GNA14: variants seen among roughly 807,000 people sequenced by gnomAD.
The protein encoded by GNA14 is guanine nucleotide-binding protein subunit alpha-14.
In GNA14, 50 loss-of-function variants were observed where a neutral mutation model predicts 42.0. That is an observed-to-expected ratio of 1.19 (90% confidence interval 0.95 to 1.51). GNA14 has a LOEUF of 1.51. Ranked by LOEUF, GNA14 falls within the 40% of genes most tolerant of loss-of-function variation. The pLI is 0.00. For missense variants in GNA14, 473 were observed against 446.2 expected (o/e 1.06, Z -0.54); for synonymous variants, 173 against 163.1 (o/e 1.06, Z -0.46).
At chr9:77,440,803 C>T (rs948265273) in intron 2 of GNA14, among the ~76,000 whole-genome samples, 1 of 152,128 alleles carries the variant, frequency 6.6e-6, no homozygotes, top group Non-Finnish European at 1.5e-5. Flanking sequence ...GCAACCTCCA[C>T]TTCCTGGGTT....
At chr9:77,446,663 G>T (rs1835823328) in intron 2 of GNA14, among the ~76,000 whole-genome samples, 1 of 152,190 alleles carries the variant, frequency 6.6e-6, no homozygotes, top group Non-Finnish European at 1.5e-5. Flanking sequence ...AGGTGATGGG[G>T]ATCTGGATTT....
chr9:77,474,687 C>A (rs1378134635), intron 2 of GNA14, among the ~76,000 whole-genome samples: 2 of 152,158 alleles, frequency 1.3e-5, no homozygotes, highest in Non-Finnish European at 2.9e-5. Flanking sequence ...TACACAAAAA[C>A]CTGTTCATGA....
At chr9:77,542,562 G>A (rs1587824153) in intron 1 of GNA14, among the ~76,000 whole-genome samples, 1 of 152,176 alleles carries the variant, frequency 6.6e-6, no homozygotes, top group Non-Finnish European at 1.5e-5. Context: ...CCAGGCATGT[G>A]GGCAGGTTCT....
At chr9:77,638,403 T>C (rs555904302) in intron 1 of GNA14, among the ~76,000 whole-genome samples, 59 of 152,308 alleles carry the variant, frequency 3.9e-4, no homozygotes, top group African/African-American at 1.4e-3. Context: ...GCAAGGATAA[T>C]TTCAGGTAGT....
At chr9:77,490,676 G>C (rs935341341) in intron 2 of GNA14, among the ~76,000 whole-genome samples, 2 of 152,198 alleles carry the variant, frequency 1.3e-5, no homozygotes, top group Admixed American at 1.3e-4. Flanking sequence ...GCCGCTCCGA[G>C]TGCGGGGCCT....
At chr9:77,567,090 T>C (rs1247300310) in intron 1 of GNA14, among the ~76,000 whole-genome samples, 2 of 152,174 alleles carry the variant, frequency 1.3e-5, no homozygotes, top group Non-Finnish European at 2.9e-5. Flanking sequence ...TATTTAGAGA[T>C]GATCCTGCCA....
At chr9:77,595,581 T>TAC (rs1288404816) in intron 1 of GNA14, among the ~76,000 whole-genome samples, 1 of 152,170 alleles carries the variant, frequency 6.6e-6, no homozygotes, top group Non-Finnish European at 1.5e-5. Context: ...CAGCCCATCA[T>TAC]ACTACTCCCT....
chr9:77,554,307 G>A (rs1381149360), intron 1 of GNA14, among the ~76,000 whole-genome samples: 2 of 152,182 alleles, frequency 1.3e-5, no homozygotes, highest in African/African-American at 4.8e-5. Context: ...AAACTTAATG[G>A]TGGTAATCAC....
intron 3 of GNA14, chr9:77,431,767 T>C (rs1324123993): frequency 8.3e-6 from 2 of 241,128 alleles, no homozygotes; most frequent in East Asian, 8.2e-5. Context: ...AGGACCAGGA[T>C]GTTGGAAATG....
chr9:77,630,710 G>GT (rs376071896), intron 1 of GNA14, among the ~76,000 whole-genome samples: 2,609 of 152,034 alleles, frequency 0.017, 89 homozygotes, highest in African/African-American at 0.059. Flanking sequence ...AGAAAAACTA[G>GT]TTTTTTTTAG....
At chr9:77,486,402 C>G (rs1836660908) in intron 2 of GNA14, among the ~76,000 whole-genome samples, 1 of 152,212 alleles carries the variant, frequency 6.6e-6, no homozygotes, top group Admixed American at 6.5e-5. Flanking sequence ...TCTATCCAGA[C>G]CACTAAAACT....
intron 1 of GNA14, among the ~76,000 whole-genome samples, chr9:77,536,695 C>T (rs1455295979): frequency 6.6e-6 from 1 of 152,134 alleles, no homozygotes; most frequent in Non-Finnish European, 1.5e-5. Flanking sequence ...TCTTTATTGC[C>T]TAACCAAGAA....
chr9:77,528,052 A>G (rs1270916484), intron 2 of GNA14, among the ~76,000 whole-genome samples: 2 of 152,224 alleles, frequency 1.3e-5, no homozygotes, highest in Non-Finnish European at 1.5e-5. Flanking sequence ...TGTAGAGATG[A>G]GGTAAAGGCA....
At chr9:77,629,886 A>T (rs761441665) in intron 1 of GNA14, among the ~76,000 whole-genome samples, 5 of 152,204 alleles carry the variant, frequency 3.3e-5, no homozygotes, top group Admixed American at 2.0e-4. Context: ...AAAAAAAAGA[A>T]TACTCTCAAG....
In GNA14 at chr9:77,541,220, C is replaced by T. The variant is rs111640151; in HGVS notation, c.125-11967G>A. Reference sequence around the variant, plus strand: ...TTTGTGCCTTTCTTGTAGGGCCAGCCGGTCTAGTGGTCATAAATTCTCTCA... The same window carrying T: ...TTTGTGCCTTTCTTGTAGGGCCAGCTGGTCTAGTGGTCATAAATTCTCTCA... On this transcript the variant is annotated intron_variant, in intron 1 of 6. Coordinates refer to ENST00000341700, the MANE Select transcript of GNA14 (RefSeq NM_004297.4). Among the ~76,000 whole-genome samples, 433 of 152,152 alleles carry T rather than the reference C, an allele frequency of 2.8e-3. 4 individuals are homozygous for T. Among genetic ancestry groups the T allele is most frequent in the African/African-American group, 9.8e-3 (408 of 41,532 alleles).
chr9:77,524,068 T>C (rs1837399296), intron 2 of GNA14, among the ~76,000 whole-genome samples: 1 of 152,238 alleles, frequency 6.6e-6, no homozygotes, highest in East Asian at 1.9e-4. Context: ...GCCTTTGTAA[T>C]ATTTATTCAA....
At chr9:77,548,325 C>G (rs1837746120) in intron 1 of GNA14, among the ~76,000 whole-genome samples, 1 of 152,150 alleles carries the variant, frequency 6.6e-6, no homozygotes, top group South Asian at 2.1e-4. Context: ...CTTAAAGACA[C>G]CAGCCACAAT....
In GNA14 at chr9:77,630,815, C is replaced by T. The variant is rs184512176; in HGVS notation, c.124+16855G>A. 2.3e-4 allele frequency among the ~76,000 whole-genome samples: 35 copies of T among 152,190 alleles called. No individual in the cohort carries two copies. In the East Asian group the frequency reaches 6.2e-3, roughly 27 times the overall value. ...AAAGACCCTATCAAATATTTGAAAA[C>T]TCAGCAGCAGAGAAAACAGTTGTAT... is the stretch of plus-strand genomic sequence containing the variant. On this transcript the variant is annotated intron_variant, in intron 1 of 6. Transcript: ENST00000341700.
intron 1 of GNA14, among the ~76,000 whole-genome samples, chr9:77,550,941 G>A (rs1233733831): frequency 6.6e-6 from 1 of 152,140 alleles, no homozygotes; most frequent in Non-Finnish European, 1.5e-5. Flanking sequence ...GCTATTGTGG[G>A]CCCAGTTCCT....
Sources: allele counts gnomAD v4.1 joint callset (sites outside exome capture counted in the v4.1 genomes callset), GRCh38; gene constraint gnomAD v4.1.1; transcripts MANE v1.5; gene names NCBI Gene and HGNC (gene_info 2026-07-23, HGNC 2026-07-21).